SH3D19: variants seen among roughly 807,000 people sequenced by gnomAD.
SH3D19 encodes the protein SH3 domain containing 19.
In SH3D19, 58 loss-of-function variants were observed where a neutral mutation model predicts 112.1. That is an observed-to-expected ratio of 0.52 (90% CI 0.42 to 0.64). The LOEUF is 0.64. SH3D19 is among the 30% of genes least tolerant of loss of function. SH3D19 has a pLI of 0.00. For synonymous variants in SH3D19, 391 were observed against 448.5 expected (o/e 0.87, Z 1.62); for missense variants, 1,090 against 1,263.4 (o/e 0.86, Z 2.08).
intron 1 of SH3D19, among the ~76,000 whole-genome samples, chr4:151,292,766 G>C (rs1213215657): frequency 6.6e-6 from 1 of 152,016 alleles, no homozygotes; most frequent in Admixed American, 6.6e-5. Flanking sequence ...ACAAGATACG[G>C]ATCCTTTTAT....
rs77898588 is a variant in SH3D19, at chr4:151,271,721, A to G, written c.113-45635T>C. On this transcript the variant is annotated intron_variant, in intron 1 of 19. Transcript: ENST00000604030. ...TGTTTGGGTAGAATTAAATACTTAA[A>G]GCTGAGAAATGAGTTCAATAACAAC... is the stretch of plus-strand genomic sequence containing the variant. Among the ~76,000 whole-genome samples, 469 of 152,328 alleles carry G rather than the reference A, an allele frequency of 3.1e-3. 1 individual carries two copies. Among genetic ancestry groups the G allele is most frequent in the African/African-American group, 9.9e-3 (413 of 41,566 alleles).
At position 151,249,994 on chromosome 4, in the gene SH3D19, G is replaced by C. The variant is rs546323186; in HGVS notation, c.113-23908C>G. On this transcript the variant is annotated intron_variant, in intron 1 of 19. Transcript: ENST00000604030. Reference sequence around the variant, plus strand: ...CCCATCAAACTGGCCAAAATGTAGGGACTGGGGGAAGAGATAATCAGTGTG... The same window carrying C: ...CCCATCAAACTGGCCAAAATGTAGGCACTGGGGGAAGAGATAATCAGTGTG... Among the ~76,000 whole-genome samples, 8 of 152,266 alleles carry C rather than the reference G, an allele frequency of 5.3e-5. No individual in the cohort carries two copies. In the East Asian group the frequency reaches 1.4e-3, roughly 26 times the overall value.
At chr4:151,191,125 C>T (rs1305369917) in intron 2 of SH3D19, among the ~76,000 whole-genome samples, 2 of 152,130 alleles carry the variant, frequency 1.3e-5, no homozygotes, top group Non-Finnish European at 2.9e-5. Flanking sequence ...GACTGTAGCC[C>T]CTTTGTTTTG....
At chr4:151,204,350 AAAG>A (rs1464679595) in intron 2 of SH3D19, among the ~76,000 whole-genome samples, 1 of 152,244 alleles carries the variant, frequency 6.6e-6, no homozygotes, top group African/African-American at 2.4e-5. Flanking sequence ...GGTATTTTAC[AAAG>A]AAGTACTAGT....
At chr4:151,153,677 C>T (rs1189148603) in intron 9 of SH3D19, among the ~76,000 whole-genome samples, 1 of 152,140 alleles carries the variant, frequency 6.6e-6, no homozygotes, top group East Asian at 1.9e-4. Flanking sequence ...TGAATTCAGG[C>T]AAATCATTTA....
chr4:151,150,938 G>GA (rs1754945050), intron 9 of SH3D19, among the ~76,000 whole-genome samples: 2 of 149,800 alleles, frequency 1.3e-5, no homozygotes, highest in East Asian at 3.9e-4. Flanking sequence ...TTTGGAGGGG[G>GA]AAAAAGCCCT....
chr4:151,206,749 G>C (rs1765168478), intron 2 of SH3D19, among the ~76,000 whole-genome samples: 1 of 152,140 alleles, frequency 6.6e-6, no homozygotes. Context: ...AGCATACAAA[G>C]GTATCCTGGG....
intron 1 of SH3D19, among the ~76,000 whole-genome samples, chr4:151,305,604 T>C (rs982632944): frequency 2.0e-5 from 3 of 152,160 alleles, no homozygotes; most frequent in African/African-American, 4.8e-5. Flanking sequence ...AAAATTACAA[T>C]GAAATATCAC....
rs773841927 is a variant in SH3D19, at chr4:151,174,732, T to C, written c.1472A>G (p.Asp491Gly). The C allele has an allele frequency of 9.9e-6, 15 of 1,517,244 alleles. No homozygotes were observed. Among genetic ancestry groups the C allele is most frequent in the Non-Finnish European group, 1.2e-5 (14 of 1,134,870 alleles). 94.0% of individuals were successfully genotyped at this position (1,517,244 alleles called of 1,614,324 possible). A position where few individuals can be genotyped will look rare whatever the true frequency, so the allele number is the denominator to read the frequency against. The change falls in exon 7 of 20, where the codon GAT (aspartate) becomes GGT (glycine). Residue 491 changes from aspartate to glycine, a missense_variant. Physicochemically the swap from Asp to Gly is moderately conservative, Grantham distance 94. Coordinates refer to ENST00000604030, the MANE Select transcript of SH3D19 (RefSeq NM_001378122.1). Reference sequence around the variant, plus strand: ...GTTCCCCGATGGGGTGGGCAAAACATCATCATCAAAGCTGATGAGATCGAT... The same window carrying C: ...GTTCCCCGATGGGGTGGGCAAAACACCATCATCAAAGCTGATGAGATCGAT... The part of the protein sequence containing the change: ...VDIDLISFDD[D>G]VLPTPSGNLA...
chr4:151,290,515 T>C (rs1341970159), intron 1 of SH3D19, among the ~76,000 whole-genome samples: 3 of 152,316 alleles, frequency 2.0e-5, no homozygotes, highest in Non-Finnish European at 2.9e-5. Context: ...AGTGGACTAC[T>C]GGTTGGCCTA....
At chr4:151,195,387 AAAAAAAAAAAGAAAAAG>A (rs1391147712) in intron 2 of SH3D19, among the ~76,000 whole-genome samples, 8 of 146,168 alleles carry the variant, frequency 5.5e-5, no homozygotes, top group African/African-American at 2.1e-4. Context: ...AAAAAAAAAA[AAAAAAAAAAAGAAAAAG>A]AAAAAAAGAG....
intron 3 of SH3D19, among the ~76,000 whole-genome samples, chr4:151,182,746 C>T (rs904833216): frequency 6.6e-6 from 1 of 152,200 alleles, no homozygotes; most frequent in African/African-American, 2.4e-5. Flanking sequence ...TTGTCTCATG[C>T]TCTTTGTGCT....
chr4:151,302,609 G>A (rs1012279972), intron 1 of SH3D19, among the ~76,000 whole-genome samples: 2 of 151,638 alleles, frequency 1.3e-5, no homozygotes, highest in African/African-American at 4.8e-5. Flanking sequence ...CAACTCTGCA[G>A]ATGTAGGAAA....
At chr4:151,323,509 T>C (rs1730751815) in intron 1 of SH3D19, among the ~76,000 whole-genome samples, 2 of 152,154 alleles carry the variant, frequency 1.3e-5, no homozygotes, top group African/African-American at 2.4e-5. Flanking sequence ...ATGTAAACTA[T>C]TAAATAATTT....
chr4:151,175,610 T>C lies in SH3D19; in HGVS notation c.594A>G (p.Thr198=). The C allele has an allele frequency of 7.6e-7, 1 of 1,316,544 alleles. No individual in the cohort carries two copies. Among genetic ancestry groups the C allele is most frequent in the Non-Finnish European group, 9.6e-7 (1 of 1,039,404 alleles). The allele number at this position is 1,316,544 out of a possible 1,614,324, so 81.6% of individuals were successfully genotyped here. ...FSAVSSGNLP[T]NVAPLIVFDI... ...CAAAGACGATTAAAGGTGCCACATT[T>C]GTTGGAAGATTGCCAGACGAGACTG... Residue 198 remains threonine (T), a synonymous_variant, in exon 7 of 20, where the codon ACA becomes ACG. Transcript: ENST00000604030.
chr4:151,134,503 G>A (rs1751413771), intron 15 of SH3D19, among the ~76,000 whole-genome samples: 1 of 152,168 alleles, frequency 6.6e-6, no homozygotes, highest in Non-Finnish European at 1.5e-5. Context: ...GTTATTGTAG[G>A]ATTCATATTT....
At chr4:151,311,389 C>A (rs530382291) in intron 1 of SH3D19, among the ~76,000 whole-genome samples, 1 of 151,958 alleles carries the variant, frequency 6.6e-6, no homozygotes, top group East Asian at 1.9e-4. Context: ...CAGCAAGACC[C>A]TGTTTAGAGA....
Position 151,311,222 on chromosome 4 carries a change from C to G in SH3D19, c.112+14019G>C, listed in dbSNP as rs575524068. On this transcript the variant is annotated intron_variant, in intron 1 of 19. Transcript: ENST00000604030. ...TGGGCAACACAGTGAGACTGCATCT[C>G]TACAAAAAATTATTATAATAATAAT... 1.2e-4 allele frequency among the ~76,000 whole-genome samples: 18 copies of G among 150,408 alleles called. 1 individual carries two copies. The South Asian group carries it at 3.1e-3, about 26-fold the overall frequency.
chr4:151,150,530 A>G (rs1235362041), intron 9 of SH3D19, among the ~76,000 whole-genome samples: 1 of 151,880 alleles, frequency 6.6e-6, no homozygotes, highest in Non-Finnish European at 1.5e-5. Context: ...GGAGGTGGGA[A>G]CGTAAAAGAA....
Sources: allele counts gnomAD v4.1 joint callset (sites outside exome capture counted in the v4.1 genomes callset), GRCh38; gene constraint gnomAD v4.1.1; transcripts MANE v1.5; gene names NCBI Gene and HGNC (gene_info 2026-07-23, HGNC 2026-07-21).